Variants in CORO1C observed in about 807,000 individuals in gnomAD.
The protein encoded by CORO1C is coronin 1C.
In CORO1C, 14 loss-of-function variants were observed where a neutral mutation model predicts 51.2. The observed-to-expected ratio is 0.27, with a 90% CI of 0.18 to 0.43. The LOEUF (loss-of-function observed/expected upper bound fraction) is 0.43, where lower values mean the gene tolerates loss of function less well. CORO1C is among the 20% of genes least tolerant of loss of function. CORO1C has a pLI of 1.00. For missense variants in CORO1C, 417 were observed against 607.8 expected, an observed-to-expected ratio of 0.69 and a Z score of 3.30; for synonymous variants, 181 against 210.5, an observed-to-expected ratio of 0.86 and a Z score of 1.21.
Position 108,648,847 on chromosome 12 carries a change from C to A in CORO1C, c.1063G>T (p.Asp355Tyr). ...GGATACAGGTCATCTTGGAAAAGGT[C>A]AGACTACAAGAGACATTTGGCACCC... is the stretch of plus-strand genomic sequence containing the variant. ...PIIMTVPRKS[D>Y]LFQDDLYPDT... The change falls in exon 10 of 11, where the codon GAC becomes TAC. Residue 355 changes from aspartate (D) to tyrosine (Y), a missense_variant. Transcript: ENST00000261401. 6.2e-7 allele frequency: 1 copy of A among 1,614,164 alleles called. No individual in the cohort carries two copies. Among genetic ancestry groups the A allele is most frequent in the South Asian group, 1.1e-5 (1 of 91,050 alleles).
intron 2 of CORO1C, among the ~76,000 whole-genome samples, chr12:108,699,345 G>T (rs1015498259): frequency 6.6e-6 from 1 of 152,184 alleles, no homozygotes; most frequent in Non-Finnish European, 1.5e-5. Flanking sequence ...TTGTGGATGT[G>T]AAAGTTGAAA....
At chr12:108,716,127 C>CAAAAAAAAAAAA (rs61278729) in intron 1 of CORO1C, among the ~76,000 whole-genome samples, 3 of 41,070 alleles carry the variant, frequency 7.3e-5, no homozygotes, top group African/African-American at 1.2e-4. Context: ...GACTCTGTCG[C>CAAAAAAAAAAAA]AAAAAAAAAA....
intron 1 of CORO1C, among the ~76,000 whole-genome samples, chr12:108,711,466 G>A (rs1179507513): frequency 2.0e-5 from 3 of 152,026 alleles, no homozygotes; most frequent in African/African-American, 7.2e-5. Context: ...GATCGCCTGA[G>A]GTCAGGAGTT....
intron 8 of CORO1C, 135 bp downstream of exon 8, chr12:108,652,137 A>C: frequency 1.7e-6 from 1 of 599,262 alleles, no homozygotes; most frequent in African/African-American, 1.9e-5. Flanking sequence ...TCTCATGGCA[A>C]TGTGTACAAT....
intron 1 of CORO1C, among the ~76,000 whole-genome samples, chr12:108,714,119 A>G (rs7969979): frequency 0.55 from 84,313 of 151,952 alleles, 24,278 homozygotes; most frequent in East Asian, 0.99. Context: ...GGCCGGGCAC[A>G]GTGGCTCACA....
intron 3 of CORO1C, among the ~76,000 whole-genome samples, chr12:108,670,933 G>C (rs2033691074): frequency 6.7e-6 from 1 of 148,684 alleles, no homozygotes; most frequent in Admixed American, 6.7e-5. Context: ...AACCAAGAAA[G>C]AACACAAGAG....
At chr12:108,698,495 C>T (rs1457651346) in intron 2 of CORO1C, among the ~76,000 whole-genome samples, 2 of 152,350 alleles carry the variant, frequency 1.3e-5, no homozygotes, top group East Asian at 3.9e-4. Context: ...GCAACTCCGC[C>T]TCCCGGGTTC....
intron 2 of CORO1C, among the ~76,000 whole-genome samples, chr12:108,680,708 A>G (rs2136836847): frequency 6.6e-6 from 1 of 152,346 alleles, no homozygotes; most frequent in East Asian, 1.9e-4. Context: ...TGAAGTACTC[A>G]ATAAACATTA....
chr12:108,712,451 G>A (rs1030783087), intron 1 of CORO1C, among the ~76,000 whole-genome samples: 1 of 151,040 alleles, frequency 6.6e-6, no homozygotes, highest in Non-Finnish European at 1.5e-5. Context: ...GCAGGTGCCT[G>A]TAATCCCAGC....
Position 108,652,290 on chromosome 12 carries a change from T to C in CORO1C, c.983A>G (p.Asn328Ser). Reference sequence around the variant, plus strand: ...TCTTTACCTGGCAATCTCACATTTGTTAACATCAAGTCCCCTCTTGGGCAT... The same window carrying C: ...TCTTTACCTGGCAATCTCACATTTGCTAACATCAAGTCCCCTCTTGGGCAT... ...GYMPKRGLDVNKCEIARFFKL... is the reference protein window; with the variant it reads ...GYMPKRGLDVSKCEIARFFKL... The change falls in exon 8 of 11, where the codon AAC becomes AGC. Residue 328 changes from asparagine to serine, a missense_variant. Asn to Ser is a conservative substitution (Grantham distance 46). Coordinates refer to ENST00000261401, the MANE Select transcript of CORO1C (RefSeq NM_014325.4). 1 of 1,613,710 alleles carries C rather than the reference T, an allele frequency of 6.2e-7. No homozygotes were observed. Among genetic ancestry groups the C allele is most frequent in the Non-Finnish European group, 8.5e-7 (1 of 1,179,780 alleles).
At chr12:108,688,646 C>A (rs564349411) in intron 2 of CORO1C, among the ~76,000 whole-genome samples, 11 of 152,166 alleles carry the variant, frequency 7.2e-5, no homozygotes, top group Non-Finnish European at 1.6e-4. Flanking sequence ...GTGGCTCACA[C>A]CTGTAATCCC....
At chr12:108,684,903 T>G (rs373988968) in intron 2 of CORO1C, among the ~76,000 whole-genome samples, 1 of 152,184 alleles carries the variant, frequency 6.6e-6, no homozygotes, top group African/African-American at 2.4e-5. Context: ...GAAAAAAGCT[T>G]TTCTACCTGA....
chr12:108,656,439 G>C (rs1020655768), intron 6 of CORO1C, among the ~76,000 whole-genome samples: 5 of 149,190 alleles, frequency 3.4e-5, no homozygotes, highest in African/African-American at 1.2e-4. Context: ...TGGGGGGTCA[G>C]CCTCCACCCG....
At position 108,680,396 on chromosome 12, in the gene CORO1C, A is replaced by G. The variant is rs183444837; in HGVS notation, c.196-2002T>C. On this transcript the variant is annotated intron_variant, in intron 2 of 10. Coordinates refer to ENST00000261401, the MANE Select transcript of CORO1C (RefSeq NM_014325.4). ...TGGATCTTCCAAAACGCATCACCAA[A>G]AAAGGACTTCAAAAAAGGAAATTCC... is the stretch of plus-strand genomic sequence containing the variant. Among the ~76,000 whole-genome samples the G allele has an allele frequency of 5.9e-5, 9 of 152,338 alleles. No homozygotes were observed. In the East Asian group the frequency reaches 1.7e-3, roughly 29 times the overall value.
chr12:108,714,656 G>T (rs2035278966), intron 1 of CORO1C, among the ~76,000 whole-genome samples: 1 of 152,048 alleles, frequency 6.6e-6, no homozygotes, highest in African/African-American at 2.4e-5. Flanking sequence ...CAGCTACTCA[G>T]GAGGCTGAGG....
rs2035724757 is a variant in CORO1C, at chr12:108,731,490, C to G, written c.-67G>C. On this transcript the variant is annotated 5_prime_UTR_variant, in exon 1 of 11. Coordinates refer to ENST00000261401, the MANE Select transcript of CORO1C (RefSeq NM_014325.4). The surrounding 1 kb of genome is among the most constrained non-coding windows in gnomAD (Gnocchi z 5.2). Reference sequence around the variant, plus strand: ...CCCGCTGCAAAGCCGGGCGAAGCCTCCAACCGCTGCCGCCTCCAGCCTGGC... The same window carrying G: ...CCCGCTGCAAAGCCGGGCGAAGCCTGCAACCGCTGCCGCCTCCAGCCTGGC... 1 of 151,906 alleles carries G rather than the reference C, an allele frequency of 6.6e-6. No homozygotes were observed. Among genetic ancestry groups the G allele is most frequent in the Non-Finnish European group, 1.5e-5 (1 of 68,046 alleles). 9.4% of individuals were successfully genotyped at this position (151,906 alleles called of 1,614,324 possible).
intron 1 of CORO1C, among the ~76,000 whole-genome samples, chr12:108,722,360 G>A (rs780814495): frequency 6.6e-6 from 1 of 152,130 alleles, no homozygotes; most frequent in South Asian, 2.1e-4. Context: ...CAAATTAAGA[G>A]AGAGATGAAG....
chr12:108,713,701 T>C (rs1243206697), intron 1 of CORO1C, among the ~76,000 whole-genome samples: 1 of 152,218 alleles, frequency 6.6e-6, no homozygotes, highest in Non-Finnish European at 1.5e-5. Context: ...CTGAGAAAGA[T>C]GCAGTGACCT....
intron 1 of CORO1C, chr12:108,703,106 C>G: frequency 4.9e-6 from 3 of 607,188 alleles, no homozygotes; most frequent in Non-Finnish European, 8.0e-6. Flanking sequence ...AGCCAACGTA[C>G]AGCCAGCTGG....
Sources: allele counts gnomAD v4.1 joint callset (sites outside exome capture counted in the v4.1 genomes callset), GRCh38; gene constraint gnomAD v4.1.1; non-coding constraint Gnocchi (gnomAD v3.1); transcripts MANE v1.5; gene names NCBI Gene and HGNC (gene_info 2026-07-23, HGNC 2026-07-21).